The following KIF16B variants were observed in gnomAD, a reference collection of about 807,000 sequenced individuals.
KIF16B encodes kinesin family member 16B, also known as kinesin-like protein KIF16B.
Under a neutral mutation model 156.3 loss-of-function variants are expected in KIF16B, and 98 were observed. The ratio of observed to expected loss-of-function variants is 0.63; its 90% confidence interval spans 0.53 to 0.74. The LOEUF (loss-of-function observed/expected upper bound fraction) is 0.74, where lower values mean the gene tolerates loss of function less well. KIF16B is among the 30% of genes least tolerant of loss of function. KIF16B has a pLI of 0.00. For synonymous variants in KIF16B, 564 were observed against 583.7 expected, an observed-to-expected ratio of 0.97 and a Z score of 0.49; for missense variants, 1,421 against 1,606.5, an observed-to-expected ratio of 0.88 and a Z score of 1.97.
chr20:16,324,366 C>T (rs934092703), intron 24 of KIF16B, among the ~76,000 whole-genome samples: 3 of 151,950 alleles, frequency 2.0e-5, no homozygotes, highest in Non-Finnish European at 4.4e-5. Flanking sequence ...GCCCCATGTC[C>T]TAAATCTTGG....
rs57114751 is a variant in KIF16B, at chr20:16,469,254, T to TAAAAAAAAAAAAAAAAAAAA, written c.1302+25017_1302+25036dup. ...GGTGACAGAGCAGGACCCTGTGTCTTAAAAAAAAAAAAAAAAAAAAAAAAA... is the reference window on the plus strand; with the variant it reads ...GGTGACAGAGCAGGACCCTGTGTCTTAAAAAAAAAAAAAAAAAAAAAAAAAAAAAAAAAAAAAAAAAAAAA... On this transcript the variant is annotated intron_variant, in intron 12 of 25. Transcript: ENST00000354981. Among the ~76,000 whole-genome samples, 23 of 66,078 alleles carry TAAAAAAAAAAAAAAAAAAAA rather than the reference T, an allele frequency of 3.5e-4. 2 individuals are homozygous for TAAAAAAAAAAAAAAAAAAAA. Among genetic ancestry groups the TAAAAAAAAAAAAAAAAAAAA allele is most frequent in the Non-Finnish European group, 4.4e-4 (15 of 33,742 alleles). 43.3% of individuals were successfully genotyped at this position (66,078 alleles called of 152,430 possible).
intron 19 of KIF16B, among the ~76,000 whole-genome samples, chr20:16,376,812 A>T (rs1325833913): frequency 6.6e-6 from 1 of 152,230 alleles, no homozygotes; most frequent in African/African-American, 2.4e-5. Flanking sequence ...CAGGCTACAA[A>T]TTGAGAGTGT....
intron 25 of KIF16B, among the ~76,000 whole-genome samples, chr20:16,278,382 TC>T (rs1285201209): frequency 6.6e-6 from 1 of 152,214 alleles, no homozygotes; most frequent in Admixed American, 6.5e-5. Context: ...ATATCAGATA[TC>T]TATCTAGGTT....
intron 3 of KIF16B, among the ~76,000 whole-genome samples, chr20:16,521,751 A>T (rs1308731990): frequency 6.6e-6 from 1 of 152,220 alleles, no homozygotes; most frequent in Non-Finnish European, 1.5e-5. Flanking sequence ...GAAGGAAAAA[A>T]TGTTAAGGGC....
chr20:16,493,873 G>A (rs998461676), intron 12 of KIF16B, among the ~76,000 whole-genome samples: 10 of 152,224 alleles, frequency 6.6e-5, no homozygotes, highest in East Asian at 3.9e-4. Context: ...AAATCTAGCC[G>A]TGCTTTGCAA....
chr20:16,481,078 C>T (rs113863831), intron 12 of KIF16B, among the ~76,000 whole-genome samples: 90 of 152,246 alleles, frequency 5.9e-4, no homozygotes, highest in African/African-American at 1.8e-3. Context: ...AGGACACTTT[C>T]GTCAAAAATA....
At chr20:16,446,494 G>A (rs2066935127) in intron 12 of KIF16B, among the ~76,000 whole-genome samples, 1 of 152,154 alleles carries the variant, frequency 6.6e-6, no homozygotes, top group Non-Finnish European at 1.5e-5. Flanking sequence ...CTTGCCTACA[G>A]TGACATTTTA....
chr20:16,495,863 G>C (rs973336102), intron 11 of KIF16B, among the ~76,000 whole-genome samples: 10 of 152,012 alleles, frequency 6.6e-5, no homozygotes, highest in African/African-American at 2.2e-4. Context: ...GCTAATTTTT[G>C]TATTTTTTGT....
At chr20:16,274,088 C>A (rs201093972) in intron 25 of KIF16B, among the ~76,000 whole-genome samples, 2,106 of 136,182 alleles carry the variant, frequency 0.015, 56 homozygotes, top group African/African-American at 0.054. Flanking sequence ...AAAAAAAAAA[C>A]AAAAAAAAAA....
At chr20:16,552,562 T>C (rs2070707199) in intron 1 of KIF16B, among the ~76,000 whole-genome samples, 2 of 152,202 alleles carry the variant, frequency 1.3e-5, no homozygotes, top group African/African-American at 4.8e-5. Flanking sequence ...CCCCCCACCA[T>C]GGGCTTCCAC....
At chr20:16,451,939 GA>G (rs2067092623) in intron 12 of KIF16B, among the ~76,000 whole-genome samples, 1 of 152,128 alleles carries the variant, frequency 6.6e-6, no homozygotes, top group African/African-American at 2.4e-5. Context: ...TAAAAAGCAT[GA>G]AAAGCAGCTG....
At chr20:16,380,264 G>T in intron 18 of KIF16B, 101 bp from the exon 19 acceptor site, 3 of 1,049,168 alleles carry the variant, frequency 2.9e-6, no homozygotes, top group Non-Finnish European at 3.8e-6. Context: ...CCAGGTCAAA[G>T]CCTCCATTAA....
intron 25 of KIF16B, among the ~76,000 whole-genome samples, chr20:16,300,042 C>T (rs2063449193): frequency 6.6e-6 from 1 of 152,142 alleles, no homozygotes; most frequent in Non-Finnish European, 1.5e-5. Context: ...ACTGTTTGTC[C>T]AATTACATCA....
At chr20:16,313,909 T>A (rs1299634820) in intron 24 of KIF16B, among the ~76,000 whole-genome samples, 1 of 152,234 alleles carries the variant, frequency 6.6e-6, no homozygotes, top group Non-Finnish European at 1.5e-5. Flanking sequence ...TTCCTATAGA[T>A]CTTCTGATAA....
At chr20:16,406,344 G>C (rs1222187512) in intron 16 of KIF16B, 30 bp downstream of exon 16, 4 of 1,594,420 alleles carry the variant, frequency 2.5e-6, no homozygotes, top group Admixed American at 1.7e-5. Flanking sequence ...ACGATCAGTG[G>C]TTCCCTCCTA....
At chr20:16,394,248 G>T (rs1034288288) in intron 17 of KIF16B, among the ~76,000 whole-genome samples, 1 of 152,200 alleles carries the variant, frequency 6.6e-6, no homozygotes, top group African/African-American at 2.4e-5. Flanking sequence ...AATAAAGACA[G>T]ATTGTTCTTT....
intron 25 of KIF16B, among the ~76,000 whole-genome samples, chr20:16,307,090 C>T (rs1395306283): frequency 6.6e-6 from 1 of 152,178 alleles, no homozygotes; most frequent in Admixed American, 6.5e-5. Context: ...ATTTCAGCTG[C>T]TGGCTGCTCC....
intron 22 of KIF16B, among the ~76,000 whole-genome samples, chr20:16,366,325 T>A (rs1296838190): frequency 6.6e-6 from 1 of 152,058 alleles, no homozygotes; most frequent in African/African-American, 2.4e-5. Context: ...GGAAGGTACC[T>A]CTAAGGGGAC....
intron 12 of KIF16B, among the ~76,000 whole-genome samples, chr20:16,450,703 T>C (rs996018355): frequency 1.3e-5 from 2 of 152,148 alleles, no homozygotes; most frequent in Non-Finnish European, 2.9e-5. Context: ...CCACAGCACC[T>C]CACAGTACCT....
Sources: allele counts gnomAD v4.1 joint callset (sites outside exome capture counted in the v4.1 genomes callset), GRCh38; gene constraint gnomAD v4.1.1; transcripts MANE v1.5; gene names NCBI Gene and HGNC (gene_info 2026-07-23, HGNC 2026-07-21).